The following HIVEP2 variants were observed in gnomAD, a reference collection of about 807,000 sequenced individuals.
HIVEP2 encodes the protein HIVEP zinc finger 2.
Under a neutral mutation model 180.7 loss-of-function variants are expected in HIVEP2, and 14 were observed. The ratio of observed to expected loss-of-function variants is 0.08; its 90% CI spans 0.05 to 0.12. HIVEP2 has a LOEUF of 0.12. HIVEP2 is among the 10% of genes least tolerant of loss of function. The probability of loss-of-function intolerance (pLI) is 1.00; values close to 1 mark genes in which losing one functional copy is unlikely to be tolerated. For synonymous variants in HIVEP2, 1,184 were observed against 1,136.4 expected (o/e 1.04, Z -0.84); for missense variants, 2,579 against 3,008.5 (o/e 0.86, Z 3.34).
chr6:142,818,523 G>C (rs1289436407), intron 2 of HIVEP2, among the ~76,000 whole-genome samples: 2 of 151,862 alleles, frequency 1.3e-5, no homozygotes, highest in Non-Finnish European at 2.9e-5. Context: ...CAAAAAATTA[G>C]CCAGGCGTGG....
rs1265578707 is a variant in HIVEP2, at chr6:142,828,159, A to G, written c.-528+8776T>C. On this transcript the variant is annotated intron_variant, in intron 2 of 9. Coordinates refer to ENST00000367603, the MANE Select transcript of HIVEP2 (RefSeq NM_006734.4). The stretch of plus-strand genomic sequence containing the variant: ...TAAAGCTCTAAGCTCAAGATCTGAC[A>G]TACCCTAGGCACTCAATAAGTAAGA... Among the ~76,000 whole-genome samples, 4 of 152,186 alleles carry G rather than the reference A, an allele frequency of 2.6e-5. No individual in the cohort carries two copies. In the South Asian group the frequency reaches 6.2e-4, roughly 24 times the overall value.
chr6:142,771,621 G>C lies in HIVEP2; in HGVS notation c.3118C>G (p.Pro1040Ala), dbSNP rs752872162. ...CTCCGAACTTCTGGGACTTCCGCTG[G>C]GTGAGGACAAGGCATCTGCTCTGAT... ...CSSEQMPCPH[P>A]AEVPEVRSKS... Residue 1040 changes from proline to alanine, a missense_variant, in exon 5 of 10, where the codon CCA becomes GCA. Around this residue, in one of 11 missense-constraint regions of HIVEP2, gnomAD observed 523 missense variants for 577.0 expected, o/e 0.91. Transcript: ENST00000367603. This position sits in a 1 kb window ranked among gnomAD's most constrained non-coding sequence, Gnocchi z 5.4. The C allele has an allele frequency of 6.2e-7, 1 of 1,614,154 alleles. No individual in the cohort carries two copies. Among genetic ancestry groups the C allele is most frequent in the Non-Finnish European group, 8.5e-7 (1 of 1,180,040 alleles).
intron 1 of HIVEP2, among the ~76,000 whole-genome samples, chr6:142,846,057 A>AACAGCCTGGCCTGAGG (rs1775508757): frequency 6.6e-6 from 1 of 152,206 alleles, no homozygotes. Context: ...CCACGGCAAC[A>AACAGCCTGGCCTGAGG]ACAGCCTGGC....
At chr6:142,843,489 G>A (rs758973046) in intron 1 of HIVEP2, among the ~76,000 whole-genome samples, 4 of 152,208 alleles carry the variant, frequency 2.6e-5, no homozygotes, top group South Asian at 2.1e-4. Flanking sequence ...CAAGCTGGAC[G>A]TGTGCAGCCC....
chr6:142,772,624 A>C lies in HIVEP2; in HGVS notation c.2115T>G (p.Asp705Glu). Residue 705 changes from aspartate to glutamate, a missense_variant, in exon 5 of 10, where the codon GAT becomes GAG. By Grantham distance (45) the Asp-to-Glu change is conservative. Coordinates refer to ENST00000367603, the MANE Select transcript of HIVEP2 (RefSeq NM_006734.4). The surrounding 1 kb of genome is among the most constrained non-coding windows in gnomAD (Gnocchi z 4.9). Reference sequence around the variant, plus strand: ...TGCAGATCATGGGCGTGTCCTCTTCATCCCCTACGCTCTTCTCTTTCCGGC... The same window carrying C: ...TGCAGATCATGGGCGTGTCCTCTTCCTCCCCTACGCTCTTCTCTTTCCGGC... ...RKRRKEKSVG[D>E]EEDTPMICSS... 6.2e-7 allele frequency: 1 copy of C among 1,614,056 alleles called. No individual in the cohort carries two copies. The highest frequency in any genetic ancestry group is 1.1e-5 in the South Asian group (1 of 91,076).
At chr6:142,813,719 G>A (rs1399694586) in intron 2 of HIVEP2, among the ~76,000 whole-genome samples, 1 of 151,538 alleles carries the variant, frequency 6.6e-6, no homozygotes. Flanking sequence ...GGGACTATAG[G>A]TACATGCCCC....
At chr6:142,787,396 T>C (rs1390742215) in intron 2 of HIVEP2, among the ~76,000 whole-genome samples, 2 of 152,068 alleles carry the variant, frequency 1.3e-5, no homozygotes, top group Non-Finnish European at 2.9e-5. Context: ...TTTAAAAGAA[T>C]GAACACTACT....
chr6:142,818,529 C>T (rs761583218), intron 2 of HIVEP2, among the ~76,000 whole-genome samples: 5 of 151,480 alleles, frequency 3.3e-5, no homozygotes, highest in Admixed American at 6.6e-5. Flanking sequence ...ATTAGCCAGG[C>T]GTGGTGGCAT....
chr6:142,766,304 G>T (rs1424662408), intron 6 of HIVEP2, among the ~76,000 whole-genome samples: 1 of 152,092 alleles, frequency 6.6e-6, no homozygotes, highest in Non-Finnish European at 1.5e-5. Context: ...AATCAATTTT[G>T]CATGTCTTCC....
intron 1 of HIVEP2, among the ~76,000 whole-genome samples, chr6:142,837,522 T>C (rs1400613906): frequency 6.6e-6 from 1 of 152,100 alleles, no homozygotes; most frequent in Non-Finnish European, 1.5e-5. Flanking sequence ...ACAGATCATT[T>C]AAACATAAAA....
chr6:142,840,941 G>A (rs1775345161), intron 1 of HIVEP2, among the ~76,000 whole-genome samples: 1 of 151,940 alleles, frequency 6.6e-6, no homozygotes, highest in African/African-American at 2.4e-5. Context: ...CTTATTTAAT[G>A]TAATATGATA....
chr6:142,777,380 C>T (rs1775728536), intron 3 of HIVEP2, among the ~76,000 whole-genome samples: 1 of 151,910 alleles, frequency 6.6e-6, no homozygotes, highest in Admixed American at 6.6e-5. Context: ...CATTGTTAAT[C>T]CTATGGGTGA....
chr6:142,850,578 C>A (rs899693528), intron 1 of HIVEP2, among the ~76,000 whole-genome samples: 1 of 152,214 alleles, frequency 6.6e-6, no homozygotes, highest in Admixed American at 6.5e-5. Flanking sequence ...GCAATAATAA[C>A]AACTTCCACT....
Position 142,774,785 on chromosome 6 carries a change from G to T in HIVEP2, c.-47C>A. 1 of 1,578,334 alleles carries T rather than the reference G, an allele frequency of 6.3e-7. No individual in the cohort carries two copies. Among genetic ancestry groups the T allele is most frequent in the South Asian group, 1.2e-5 (1 of 84,292 alleles). ...TGCTAGTTCCCCTGAAAGCAGTGCA[G>T]ACTCATGGAGTGTCTCCAAAGCTGT... On this transcript the variant is annotated 5_prime_UTR_variant, in exon 5 of 10. In the 5' UTR this introduces an upstream ATG that the reference lacks. Transcript: ENST00000367603. This position sits in a 1 kb window ranked among gnomAD's most constrained non-coding sequence, Gnocchi z 5.1.
At chr6:142,912,292 T>G (rs1380520591) in intron 1 of HIVEP2, among the ~76,000 whole-genome samples, 1 of 152,234 alleles carries the variant, frequency 6.6e-6, no homozygotes, top group African/African-American at 2.4e-5. Context: ...CAGGCCTCAG[T>G]GTATACAACC....
rs368261390 is a variant in HIVEP2, at chr6:142,915,229, C to T, written c.-641+29870G>A. Among the ~76,000 whole-genome samples the T allele has an allele frequency of 1.1e-4, 17 of 152,286 alleles. 1 individual carries two copies. The East Asian group carries it at 1.9e-3, about 17-fold the overall frequency. Reference sequence around the variant, plus strand: ...AAACATTGAAGTTCTAACTTCCATACCTCAGAATGCAGCCTTGTTTGGAAA... The same window carrying T: ...AAACATTGAAGTTCTAACTTCCATATCTCAGAATGCAGCCTTGTTTGGAAA... On this transcript the variant is annotated intron_variant, in intron 1 of 9. Transcript: ENST00000367603.
intron 1 of HIVEP2, among the ~76,000 whole-genome samples, chr6:142,874,274 G>T (rs1776369876): frequency 6.6e-6 from 1 of 151,996 alleles, no homozygotes; most frequent in South Asian, 2.1e-4. Flanking sequence ...TTTTGGTAAG[G>T]TTGCTTACAA....
intron 1 of HIVEP2, among the ~76,000 whole-genome samples, chr6:142,921,540 A>G (rs1777683495): frequency 6.6e-6 from 1 of 152,242 alleles, no homozygotes; most frequent in African/African-American, 2.4e-5. Context: ...TCCTCAAAAG[A>G]AAAGAGGATA....
At chr6:142,865,750 G>C (rs900809069) in intron 1 of HIVEP2, among the ~76,000 whole-genome samples, 7 of 152,168 alleles carry the variant, frequency 4.6e-5, no homozygotes, top group African/African-American at 1.7e-4. Flanking sequence ...ACGATTTCTA[G>C]AAGATAGAGG....
Sources: allele counts gnomAD v4.1 joint callset (sites outside exome capture counted in the v4.1 genomes callset), GRCh38; gene constraint gnomAD v4.1.1; regional missense constraint gnomAD v4.1.1; non-coding constraint Gnocchi (gnomAD v3.1); transcripts MANE v1.5; gene names NCBI Gene and HGNC (gene_info 2026-07-23, HGNC 2026-07-21).